POU6F2: variants seen among roughly 807,000 people sequenced by gnomAD.
The protein encoded by POU6F2 is POU domain, class 6, transcription factor 2.
A neutral mutation model predicts 71.3 loss-of-function variants in POU6F2; 31 were observed. That is an observed-to-expected ratio of 0.43 (90% CI 0.33 to 0.59). POU6F2 has a LOEUF of 0.59. Among genes scored for constraint, POU6F2 ranks in the 20% least tolerant of loss-of-function variants. The pLI is 0.04. For synonymous variants in POU6F2, 347 were observed against 355.7 expected (o/e 0.98, Z 0.27); for missense variants, 783 against 856.8 (o/e 0.91, Z 1.07).
intron 5 of POU6F2, among the ~76,000 whole-genome samples, chr7:39,369,999 A>G (rs1432918938): frequency 6.6e-6 from 1 of 152,184 alleles, no homozygotes; most frequent in Non-Finnish European, 1.5e-5. Context: ...TATACATTAG[A>G]CATAATGCTG....
At chr7:39,198,056 A>G (rs940448953) in intron 2 of POU6F2, among the ~76,000 whole-genome samples, 4 of 152,228 alleles carry the variant, frequency 2.6e-5, no homozygotes, top group Non-Finnish European at 5.9e-5. Flanking sequence ...TTTGATGACT[A>G]TCTCCTTTTT....
At chr7:38,980,639 A>G (rs1459673525) in intron 1 of POU6F2, among the ~76,000 whole-genome samples, 8 of 152,144 alleles carry the variant, frequency 5.3e-5, no homozygotes, top group African/African-American at 1.9e-4. Flanking sequence ...GAACAAGCCC[A>G]TTTAATAATG....
intron 2 of POU6F2, among the ~76,000 whole-genome samples, chr7:39,186,420 C>G (rs1024625819): frequency 2.6e-5 from 4 of 152,160 alleles, no homozygotes; most frequent in Non-Finnish European, 5.9e-5. Context: ...GGCTGTCTCC[C>G]TGGTCTTTGT....
At chr7:39,115,978 A>C (rs1791919714) in intron 2 of POU6F2, among the ~76,000 whole-genome samples, 1 of 152,188 alleles carries the variant, frequency 6.6e-6, no homozygotes, top group Admixed American at 6.6e-5. Flanking sequence ...TCAGAGGTTA[A>C]GTAACTCATT....
rs1788924627 is a variant in POU6F2, at chr7:39,460,659, G to C, written c.1602G>C (p.Val534=). 8 of 1,609,620 alleles carry C rather than the reference G, an allele frequency of 5.0e-6. No homozygotes were observed. The East Asian group carries it at 1.8e-4, about 36-fold the overall frequency. Residue 534 remains valine, a synonymous_variant, in exon 9 of 10, where the codon GTG becomes GTC. Transcript: ENST00000518318. This position sits in a 1 kb window ranked among gnomAD's most constrained non-coding sequence, Gnocchi z 4.4. ...RLSLGLTQTQ[V]GQALSATEGP... is the part of the protein sequence containing the mutation. ...CCCTTGGCCTGACCCAGACTCAGGT[G>C]GGACAGGCTCTCAGTGCTACAGAGG... is the stretch of plus-strand genomic sequence containing the variant.
At position 39,000,645 on chromosome 7, in the gene POU6F2, A is replaced by G. The variant is rs529061434; in HGVS notation, c.105+22587A>G. Reference sequence around the variant, plus strand: ...CTCAAGACCAATTTTTGTTTCTCCCAATGCTATAAATTGGGTCACTCAAAC... The same window carrying G: ...CTCAAGACCAATTTTTGTTTCTCCCGATGCTATAAATTGGGTCACTCAAAC... On this transcript the variant is annotated intron_variant, in intron 1 of 9. Coordinates refer to ENST00000518318, the MANE Select transcript of POU6F2 (RefSeq NM_001370959.1). 3.9e-4 allele frequency among the ~76,000 whole-genome samples: 60 copies of G among 152,188 alleles called. 1 individual carries two copies. The Middle Eastern group carries it at 0.01, about 26-fold the overall frequency.
chr7:39,277,084 T>C (rs564964823), intron 4 of POU6F2, among the ~76,000 whole-genome samples: 1 of 152,204 alleles, frequency 6.6e-6, no homozygotes, highest in Non-Finnish European at 1.5e-5. Context: ...TTTCAAAACA[T>C]AACTCCCAGC....
chr7:39,259,818 C>T (rs1342156551), intron 4 of POU6F2, among the ~76,000 whole-genome samples: 2 of 152,064 alleles, frequency 1.3e-5, no homozygotes, highest in African/African-American at 2.4e-5. Context: ...GAGCCTGCCC[C>T]AGCTCTCAGC....
chr7:39,008,287 G>C (rs1029320414), intron 1 of POU6F2, among the ~76,000 whole-genome samples: 1 of 151,372 alleles, frequency 6.6e-6, no homozygotes, highest in Non-Finnish European at 1.5e-5. Flanking sequence ...GTGATGATGA[G>C]CATTTTTTCA....
At chr7:39,015,422 CTA>C (rs1789454081) in intron 1 of POU6F2, among the ~76,000 whole-genome samples, 1 of 117,860 alleles carries the variant, frequency 8.5e-6, no homozygotes, top group South Asian at 2.6e-4. Flanking sequence ...GATATAATAT[CTA>C]TTATATATAA....
chr7:39,297,424 T>C (rs1051504847), intron 4 of POU6F2, among the ~76,000 whole-genome samples: 1 of 152,182 alleles, frequency 6.6e-6, no homozygotes, highest in African/African-American at 2.4e-5. Context: ...GTTATTATAA[T>C]ACAAGAAAAA....
In POU6F2 at chr7:39,371,242, C is replaced by G. The variant is rs554553967; in HGVS notation, c.972+31227C>G. Among the ~76,000 whole-genome samples the G allele has an allele frequency of 2.0e-5, 3 of 151,594 alleles. No homozygotes were observed. The South Asian group carries it at 6.2e-4, about 32-fold the overall frequency. Reference sequence around the variant, plus strand: ...TCACCCAGGCTGGAGTGCAGTGGCACGATCTTGGCTCACTGCAACCTCCGC... The same window carrying G: ...TCACCCAGGCTGGAGTGCAGTGGCAGGATCTTGGCTCACTGCAACCTCCGC... On this transcript the variant is annotated intron_variant, in intron 5 of 9. Coordinates refer to ENST00000518318, the MANE Select transcript of POU6F2 (RefSeq NM_001370959.1).
intron 5 of POU6F2, among the ~76,000 whole-genome samples, chr7:39,381,493 C>T (rs866964210): frequency 6.6e-6 from 1 of 152,110 alleles, no homozygotes; most frequent in Non-Finnish European, 1.5e-5. Context: ...CTGCCCACCT[C>T]GGCCTCCCAA....
At chr7:39,030,500 C>CTATATATATATATATATATATA (rs58426134) in intron 1 of POU6F2, among the ~76,000 whole-genome samples, 8 of 46,242 alleles carry the variant, frequency 1.7e-4, no homozygotes, top group Non-Finnish European at 2.1e-4. Context: ...TCAAAAAATA[C>CTATATATATATATATATATATA]TATATATATA....
At position 39,465,298 on chromosome 7, in the gene POU6F2, C is replaced by T. The variant is rs1789046273; in HGVS notation, c.*612C>T. Reference sequence around the variant, plus strand: ...TGTGTTACGAATTTTTACATTTGTACTAACAGAACAATAGGAAGCCTGATT... The same window carrying T: ...TGTGTTACGAATTTTTACATTTGTATTAACAGAACAATAGGAAGCCTGATT... On this transcript the variant is annotated 3_prime_UTR_variant, in exon 10 of 10. Coordinates refer to ENST00000518318, the MANE Select transcript of POU6F2 (RefSeq NM_001370959.1). The T allele has an allele frequency of 6.6e-6, 1 of 152,558 alleles. No individual in the cohort carries two copies. Among genetic ancestry groups the T allele is most frequent in the Non-Finnish European group, 1.5e-5 (1 of 68,322 alleles). The allele number at this position is 152,558 out of a possible 1,614,324, so 9.5% of individuals were successfully genotyped here.
At chr7:39,109,602 TTTTTATAGGATTGGTA>T in intron 2 of POU6F2, among the ~76,000 whole-genome samples, 1 of 152,194 alleles carries the variant, frequency 6.6e-6, no homozygotes, top group Admixed American at 6.5e-5. Context: ...GCTTATAATA[TTTTTATAGGATTGGTA>T]AAAAGTATTG....
chr7:39,384,518 T>C (rs1282185948), intron 5 of POU6F2, among the ~76,000 whole-genome samples: 1 of 152,206 alleles, frequency 6.6e-6, no homozygotes, highest in Non-Finnish European at 1.5e-5. Flanking sequence ...TAAACAAATT[T>C]GCCACATGTA....
Position 39,197,820 on chromosome 7 carries a change from G to A in POU6F2, c.278-6415G>A, listed in dbSNP as rs186722234. On this transcript the variant is annotated intron_variant, in intron 2 of 9. Transcript: ENST00000518318. ...CATTTTAAGGATTTGAACTCACTGT[G>A]ATGTACCTCAACACCACCATACACA... 1.8e-3 allele frequency among the ~76,000 whole-genome samples: 277 copies of A among 152,320 alleles called. 4 individuals carry two copies. The highest frequency in any genetic ancestry group is 6.3e-3 in the African/African-American group (263 of 41,566).
At chr7:39,405,378 G>C (rs1324404603) in intron 5 of POU6F2, among the ~76,000 whole-genome samples, 1 of 152,102 alleles carries the variant, frequency 6.6e-6, no homozygotes, top group African/African-American at 2.4e-5. Context: ...ATGAAGAAAG[G>C]AAAGTTTTAA....
Sources: allele counts gnomAD v4.1 joint callset (sites outside exome capture counted in the v4.1 genomes callset), GRCh38; gene constraint gnomAD v4.1.1; non-coding constraint Gnocchi (gnomAD v3.1); transcripts MANE v1.5; gene names NCBI Gene and HGNC (gene_info 2026-07-23, HGNC 2026-07-21).